The following RNF169 variants were observed in gnomAD, a reference collection of about 807,000 sequenced individuals.
The protein encoded by RNF169 is E3 ubiquitin-protein ligase RNF169.
RNF169 carries 24 observed loss-of-function variants against 53.9 expected under a neutral mutation model. The ratio of observed to expected loss-of-function variants is 0.45; its 90% CI spans 0.32 to 0.63. RNF169 has a LOEUF of 0.63. Ranked by LOEUF, RNF169 falls within the 20% of genes least tolerant of loss-of-function variation. The probability of loss-of-function intolerance (pLI) is 0.04; values close to 1 mark genes in which losing one functional copy is unlikely to be tolerated. For missense variants in RNF169, 883 were observed against 906.2 expected (o/e 0.97, Z 0.33); for synonymous variants, 396 against 363.5 (o/e 1.09, Z -1.02).
chr11:74,774,138 G>A (rs1452535449), intron 1 of RNF169, among the ~76,000 whole-genome samples: 1 of 152,026 alleles, frequency 6.6e-6, no homozygotes, highest in Non-Finnish European at 1.5e-5. Flanking sequence ...CCAGGAGTTC[G>A]AGACCAGCCT....
intron 1 of RNF169, among the ~76,000 whole-genome samples, chr11:74,752,446 A>C (rs983142958): frequency 5.9e-5 from 9 of 151,292 alleles, no homozygotes; most frequent in Admixed American, 5.9e-4. Context: ...AAAATACAAA[A>C]ATTAGCCAGG....
Position 74,835,875 on chromosome 11 carries a change from T to A in RNF169, c.1272T>A (p.Tyr424Ter). ...GAAGCCTGCAGAAGCAGACTTCTTATGAGGCCAGTCCACGGATCCTCAAAA... is the reference window on the plus strand; with the variant it reads ...GAAGCCTGCAGAAGCAGACTTCTTAAGAGGCCAGTCCACGGATCCTCAAAA... ...LNRSLQKQTS[Y>*]EASPRILKKW... Residue 424 changes from tyrosine to a stop codon, truncating the protein, a stop_gained, in exon 6 of 6, where the codon TAT (tyrosine) becomes TAA (stop). Coordinates refer to ENST00000299563, the MANE Select transcript of RNF169 (RefSeq NM_001098638.2). LOFTEE classifies it high-confidence loss of function. 1 of 1,614,204 alleles carries A rather than the reference T, an allele frequency of 6.2e-7. No homozygotes were observed. The highest frequency in any genetic ancestry group is 1.3e-5 in the African/African-American group (1 of 75,054).
intron 5 of RNF169, among the ~76,000 whole-genome samples, chr11:74,834,987 T>A (rs1170897328): frequency 6.6e-6 from 1 of 151,824 alleles, no homozygotes; most frequent in Admixed American, 6.6e-5. Flanking sequence ...GAATCCCCCC[T>A]TCTTTTTTTT....
At chr11:74,814,423 C>G (rs1019454093) in intron 3 of RNF169, among the ~76,000 whole-genome samples, 1 of 147,014 alleles carries the variant, frequency 6.8e-6, no homozygotes, top group Non-Finnish European at 1.5e-5. Context: ...ACTGTGTCAC[C>G]CAGGCTGGAG....
chr11:74,828,910 T>G (rs535209068), intron 4 of RNF169, among the ~76,000 whole-genome samples: 1 of 152,250 alleles, frequency 6.6e-6, no homozygotes, highest in South Asian at 2.1e-4. Flanking sequence ...ATCTAGGCAA[T>G]ACCATTCAGG....
At chr11:74,772,306 T>C (rs2035271233) in intron 1 of RNF169, among the ~76,000 whole-genome samples, 1 of 152,184 alleles carries the variant, frequency 6.6e-6, no homozygotes, top group Non-Finnish European at 1.5e-5. Flanking sequence ...ACAAAGCTGC[T>C]TAATTAACGT....
Position 74,780,170 on chromosome 11 carries a change from A to C in RNF169, c.503-9456A>C, listed in dbSNP as rs370087312. Among the ~76,000 whole-genome samples, 7 of 152,294 alleles carry C rather than the reference A, an allele frequency of 4.6e-5. No individual in the cohort carries two copies. The East Asian group carries it at 1.2e-3, about 25-fold the overall frequency. ...CATTCTATAGTTGTTTCACCCAAGT[A>C]TGTTTTTCCTTTCTTTGTAAGATTG... is the stretch of plus-strand genomic sequence containing the variant. On this transcript the variant is annotated intron_variant, in intron 1 of 5. Transcript: ENST00000299563.
At chr11:74,827,596 T>C (rs1176096649) in intron 4 of RNF169, among the ~76,000 whole-genome samples, 1 of 152,198 alleles carries the variant, frequency 6.6e-6, no homozygotes, top group East Asian at 1.9e-4. Context: ...TTGTGAATTA[T>C]GGGGATTATA....
intron 4 of RNF169, among the ~76,000 whole-genome samples, chr11:74,819,993 T>C (rs2035988359): frequency 6.6e-6 from 1 of 152,106 alleles, no homozygotes; most frequent in African/African-American, 2.4e-5. Context: ...AGTGTATGTA[T>C]AAGGACAGAT....
intron 1 of RNF169, among the ~76,000 whole-genome samples, chr11:74,782,410 A>G (rs1225333390): frequency 6.6e-6 from 1 of 152,210 alleles, no homozygotes; most frequent in Non-Finnish European, 1.5e-5. Context: ...AGATTCTCAT[A>G]GGAGCATGAA....
intron 4 of RNF169, among the ~76,000 whole-genome samples, chr11:74,825,885 AAAG>A (rs1286621556): frequency 6.6e-6 from 1 of 152,194 alleles, no homozygotes; most frequent in African/African-American, 2.4e-5. Context: ...TTTATAAAGA[AAAG>A]AAGTTTAATT....
At chr11:74,772,094 A>G (rs1211524266) in intron 1 of RNF169, among the ~76,000 whole-genome samples, 1 of 152,236 alleles carries the variant, frequency 6.6e-6, no homozygotes, top group Non-Finnish European at 1.5e-5. Flanking sequence ...TCTGGAAAAT[A>G]TAGAAAGTTT....
chr11:74,792,919 G>A (rs770021976), intron 2 of RNF169, among the ~76,000 whole-genome samples: 66 of 152,296 alleles, frequency 4.3e-4, no homozygotes, highest in Non-Finnish European at 8.7e-4. Context: ...TTAGCTACCG[G>A]TCCATCTCAC....
rs2036319426 is a variant in RNF169 at position 74,839,739 on chromosome 11, G to A, written c.*3009G>A. On this transcript the variant is annotated 3_prime_UTR_variant, in exon 6 of 6. Coordinates refer to ENST00000299563, the MANE Select transcript of RNF169 (RefSeq NM_001098638.2). Reference sequence around the variant, plus strand: ...GCTGTCAGCTCTTTTCCATAGAGAGGGAAAGAAACTTTGAGAAAATGTTCT... The same window carrying A: ...GCTGTCAGCTCTTTTCCATAGAGAGAGAAAGAAACTTTGAGAAAATGTTCT... 6.6e-6 allele frequency: 1 copy of A among 152,104 alleles called. No individual in the cohort carries two copies. Among genetic ancestry groups the A allele is most frequent in the Admixed American group, 6.6e-5 (1 of 15,258 alleles). The allele number at this position is 152,104 out of a possible 1,614,324, so 9.4% of individuals were successfully genotyped here. A position where few individuals can be genotyped will look rare whatever the true frequency, so the allele number is the denominator to read the frequency against.
intron 2 of RNF169, among the ~76,000 whole-genome samples, chr11:74,800,589 A>G (rs1488387795): frequency 1.3e-5 from 2 of 152,230 alleles, no homozygotes; most frequent in Non-Finnish European, 2.9e-5. Context: ...AGTAAACTGT[A>G]TATAAGTATT....
intron 3 of RNF169, among the ~76,000 whole-genome samples, chr11:74,811,771 A>G (rs910056083): frequency 6.6e-6 from 1 of 152,254 alleles, no homozygotes; most frequent in African/African-American, 2.4e-5. Flanking sequence ...TCTGAACATT[A>G]GAAACCACAG....
rs1230080586 is a variant in RNF169, at chr11:74,749,000, C to G, written c.120C>G (p.Gly40=). The G allele has an allele frequency of 2.7e-6, 4 of 1,499,842 alleles. No individual in the cohort carries two copies. The highest frequency in any genetic ancestry group is 3.6e-6 in the Non-Finnish European group (4 of 1,120,682). 92.9% of individuals were successfully genotyped at this position (1,499,842 alleles called of 1,614,324 possible). Residue 40 remains glycine (G), a synonymous_variant, in exon 1 of 6, where the codon GGC becomes GGG. Coordinates refer to ENST00000299563, the MANE Select transcript of RNF169 (RefSeq NM_001098638.2). ...ETAAAKTGAP[G]PASGPSLLVL... ...CGGCAGCTAAGACTGGGGCCCCAGG[C>G]CCGGCTTCTGGACCTTCGCTGTTGG... is the stretch of plus-strand genomic sequence containing the variant.
At chr11:74,757,466 A>G (rs1156935113) in intron 1 of RNF169, among the ~76,000 whole-genome samples, 5 of 145,082 alleles carry the variant, frequency 3.4e-5, no homozygotes, top group South Asian at 2.3e-4. Context: ...ATACGTGTGC[A>G]TGTGTCTTTA....
chr11:74,799,577 T>C (rs1348197593), intron 2 of RNF169, among the ~76,000 whole-genome samples: 1 of 152,176 alleles, frequency 6.6e-6, no homozygotes, highest in Non-Finnish European at 1.5e-5. Flanking sequence ...ACTATATTAG[T>C]ATAATTATTT....
Sources: allele counts gnomAD v4.1 joint callset (sites outside exome capture counted in the v4.1 genomes callset), GRCh38; gene constraint gnomAD v4.1.1; transcripts MANE v1.5; gene names NCBI Gene and HGNC (gene_info 2026-07-23, HGNC 2026-07-21).